The following NFYC variants were observed in gnomAD, a reference collection of about 807,000 sequenced individuals.
NFYC encodes CAAT box DNA-binding protein subunit C.
NFYC carries 25 observed loss-of-function variants against 53.1 expected under a neutral mutation model. The ratio of observed to expected loss-of-function variants is 0.47; its 90% CI spans 0.34 to 0.66. The LOEUF (loss-of-function observed/expected upper bound fraction) is 0.66, where lower values mean the gene tolerates loss of function less well. NFYC is among the 30% of genes least tolerant of loss of function. NFYC has a pLI of 0.01. For synonymous variants in NFYC, 145 were observed against 152.6 expected (o/e 0.95, Z 0.37); for missense variants, 260 against 422.7 (o/e 0.62, Z 3.38).
intron 1 of NFYC, 83 bp from the exon 2 acceptor site, chr1:40,738,753 C>T (rs1008795355): frequency 4.2e-6 from 4 of 945,166 alleles, no homozygotes; most frequent in African/African-American, 1.6e-5. Flanking sequence ...ATAAAAACAT[C>T]CACAAATATA....
At chr1:40,715,156 C>G (rs1330858682) in intron 1 of NFYC, among the ~76,000 whole-genome samples, 5 of 151,424 alleles carry the variant, frequency 3.3e-5, no homozygotes, top group African/African-American at 1.2e-4. Flanking sequence ...GTAATCCCAG[C>G]ACTTTGGGAG....
At chr1:40,699,530 G>T (rs1160928346) in intron 1 of NFYC, among the ~76,000 whole-genome samples, 1 of 152,194 alleles carries the variant, frequency 6.6e-6, no homozygotes, top group Admixed American at 6.5e-5. Context: ...CATAGAATTT[G>T]CTCATTATGA....
rs747532331 is a variant in NFYC at position 40,758,274 on chromosome 1, G to A, written c.541G>A (p.Ala181Thr). 27 of 1,612,358 alleles carry A rather than the reference G, an allele frequency of 1.7e-5. No homozygotes were observed. The highest frequency in any genetic ancestry group is 1.6e-4 in the African/African-American group (12 of 74,906). The change falls in exon 6 of 10, where the codon GCA (alanine) becomes ACA (threonine). Residue 181 changes from alanine to threonine, a missense_variant. Coordinates refer to ENST00000447388, the MANE Select transcript of NFYC (RefSeq NM_014223.5). ...CATCCAGCCTGGGCAGATCATCATCGCACAGCCTCAGCAGGGCCAGGTCTG... is the reference window on the plus strand; with the variant it reads ...CATCCAGCCTGGGCAGATCATCATCACACAGCCTCAGCAGGGCCAGGTCTG... ...TTIQPGQIII[A>T]QPQQGQTTPV...
intron 1 of NFYC, among the ~76,000 whole-genome samples, chr1:40,721,439 C>G (rs1644323421): frequency 6.6e-6 from 1 of 152,148 alleles, no homozygotes; most frequent in Non-Finnish European, 1.5e-5. Context: ...GGGGAGCTGC[C>G]TGGACTCCAG....
intron 1 of NFYC, among the ~76,000 whole-genome samples, chr1:40,722,112 A>G (rs983321011): frequency 6.6e-6 from 1 of 152,144 alleles, no homozygotes; most frequent in Non-Finnish European, 1.5e-5. Flanking sequence ...CGAAGCTTGC[A>G]GTGAGCCAAG....
intron 5 of NFYC, chr1:40,754,467 C>CGTG (rs766638316): frequency 3.8e-6 from 2 of 532,216 alleles, no homozygotes; most frequent in Non-Finnish European, 7.7e-6. Context: ...CAGCTACGCA[C>CGTG]CGGCTTTGAA....
At chr1:40,760,521 C>T (rs1402296063) in intron 6 of NFYC, among the ~76,000 whole-genome samples, 1 of 152,098 alleles carries the variant, frequency 6.6e-6, no homozygotes, top group Non-Finnish European at 1.5e-5. Context: ...GAGTTCAAGA[C>T]CAGCCTGGCC....
intron 1 of NFYC, among the ~76,000 whole-genome samples, chr1:40,715,029 G>T (rs905496986): frequency 4.6e-5 from 7 of 151,810 alleles, no homozygotes; most frequent in African/African-American, 1.7e-4. Context: ...GCAGTGAGCC[G>T]ACATGGCGCC....
chr1:40,737,127 CAAAA>C (rs1161900883), intron 1 of NFYC, among the ~76,000 whole-genome samples: 4 of 88,808 alleles, frequency 4.5e-5, no homozygotes, highest in African/African-American at 4.4e-5. Context: ...AACTCTGTCT[CAAAA>C]AAAAAAAAAA....
Position 40,771,164 on chromosome 1 carries a change from T to G in NFYC, c.*336T>G. ...GAAGAAATATTTCTCCTTTTGTTTTTCTTTTTTTTTTGTTTGTTACTGCCA... is the reference window on the plus strand; with the variant it reads ...GAAGAAATATTTCTCCTTTTGTTTTGCTTTTTTTTTTGTTTGTTACTGCCA... On this transcript the variant is annotated 3_prime_UTR_variant, in exon 10 of 10. Coordinates refer to ENST00000447388, the MANE Select transcript of NFYC (RefSeq NM_014223.5). The G allele has an allele frequency of 2.8e-6, 1 of 358,214 alleles. No individual in the cohort carries two copies. The highest frequency in any genetic ancestry group is 5.1e-6 in the Non-Finnish European group (1 of 195,514). 22.2% of individuals were successfully genotyped at this position (358,214 alleles called of 1,614,324 possible).
At chr1:40,709,916 T>C (rs1230813948) in intron 1 of NFYC, among the ~76,000 whole-genome samples, 1 of 152,248 alleles carries the variant, frequency 6.6e-6, no homozygotes, top group African/African-American at 2.4e-5. Context: ...ATAATTTTCC[T>C]TTGTTCAAGT....
At chr1:40,708,959 T>A (rs58589734) in intron 1 of NFYC, among the ~76,000 whole-genome samples, 1,639 of 152,332 alleles carry the variant, frequency 0.011, 27 homozygotes, top group African/African-American at 0.037. Context: ...TTACCTTAAA[T>A]TTTTTAAATG....
chr1:40,695,701 G>C (rs748374178), intron 1 of NFYC: 1 of 152,142 alleles, frequency 6.6e-6, no homozygotes, highest in Non-Finnish European at 1.5e-5. Flanking sequence ...GATTATAGGC[G>C]TGAGCCACCG....
chr1:40,726,141 G>T (rs1402031700), intron 1 of NFYC, among the ~76,000 whole-genome samples: 2 of 150,566 alleles, frequency 1.3e-5, no homozygotes, highest in Non-Finnish European at 3.0e-5. Flanking sequence ...TTTTGAGATG[G>T]AGTTTCGCTC....
intron 1 of NFYC, among the ~76,000 whole-genome samples, chr1:40,692,650 A>G (rs1194140137): frequency 3.9e-5 from 6 of 152,162 alleles, no homozygotes; most frequent in South Asian, 4.1e-4. Flanking sequence ...GGAGAGTGCA[A>G]GCATTCAAAC....
intron 1 of NFYC, among the ~76,000 whole-genome samples, chr1:40,703,957 G>GTAGC (rs1344384023): frequency 1.3e-5 from 2 of 152,150 alleles, no homozygotes; most frequent in Non-Finnish European, 2.9e-5. Context: ...TAGTAAGCAG[G>GTAGC]TAGCTATGAT....
intron 3 of NFYC, among the ~76,000 whole-genome samples, chr1:40,749,210 C>T (rs1276720535): frequency 6.6e-6 from 1 of 152,168 alleles, no homozygotes; most frequent in Non-Finnish European, 1.5e-5. Flanking sequence ...CTTTCAAGCT[C>T]ATTCTCCTTC....
At chr1:40,764,366 G>C (rs569780042) in intron 7 of NFYC, among the ~76,000 whole-genome samples, 17 of 152,230 alleles carry the variant, frequency 1.1e-4, no homozygotes, top group Non-Finnish European at 2.4e-4. Flanking sequence ...GAAAGCTTAG[G>C]AAAGTGGAGT....
At chr1:40,710,392 A>G (rs1207952163) in intron 1 of NFYC, among the ~76,000 whole-genome samples, 1 of 152,214 alleles carries the variant, frequency 6.6e-6, no homozygotes, top group African/African-American at 2.4e-5. Flanking sequence ...TTAAGAGTAT[A>G]GGCACCCTAT....
Sources: allele counts gnomAD v4.1 joint callset (sites outside exome capture counted in the v4.1 genomes callset), GRCh38; gene constraint gnomAD v4.1.1; transcripts MANE v1.5; gene names NCBI Gene and HGNC (gene_info 2026-07-23, HGNC 2026-07-21).